CRADD: variants seen among roughly 807,000 people sequenced by gnomAD.
CRADD encodes CARD and death domain containing adaptor protein, also known as death domain-containing protein CRADD.
Under a neutral mutation model 15.5 loss-of-function variants are expected in CRADD, and 9 were observed. The observed-to-expected ratio is 0.58, with a 90% CI of 0.35 to 1.01. CRADD has a LOEUF of 1.01. CRADD is among the 50% of genes least tolerant of loss of function. The pLI is 0.02. For missense variants in CRADD, 227 were observed against 250.3 expected (o/e 0.91, Z 0.63); for synonymous variants, 118 against 107.6 (o/e 1.10, Z -0.60).
chr12:93,736,099 C>T (rs1274390905), intron 2 of CRADD, among the ~76,000 whole-genome samples: 1 of 152,104 alleles, frequency 6.6e-6, no homozygotes, highest in Admixed American at 6.5e-5. Flanking sequence ...CTAACAGCTC[C>T]TCAGAACATT....
chr12:93,878,275 G>A (rs1332697034), intron 2 of CRADD, among the ~76,000 whole-genome samples: 10 of 152,168 alleles, frequency 6.6e-5, no homozygotes, highest in Admixed American at 3.9e-4. Flanking sequence ...GTCTAGAAAT[G>A]TCATCTGGGA....
At chr12:93,721,918 T>G (rs1166876033) in intron 2 of CRADD, among the ~76,000 whole-genome samples, 1 of 152,246 alleles carries the variant, frequency 6.6e-6, no homozygotes, top group Non-Finnish European at 1.5e-5. Flanking sequence ...TACCTCCACT[T>G]ACTCCTTCTT....
At chr12:93,753,309 G>C (rs1173037342) in intron 2 of CRADD, among the ~76,000 whole-genome samples, 1 of 152,138 alleles carries the variant, frequency 6.6e-6, no homozygotes, top group African/African-American at 2.4e-5. Context: ...GAGGATTATA[G>C]GAGCTAAAAT....
intron 2 of CRADD, among the ~76,000 whole-genome samples, chr12:93,754,047 C>A (rs986637912): frequency 2.0e-5 from 3 of 152,246 alleles, no homozygotes; most frequent in African/African-American, 7.2e-5. Context: ...CCAGGCATTG[C>A]CATACATTCT....
chr12:93,678,893 A>G lies in CRADD; in HGVS notation c.119A>G (p.His40Arg), dbSNP rs749888596. ...LYQEGILTENHIQEINAQTTG... is the reference protein window; with the variant it reads ...LYQEGILTENRIQEINAQTTG... Reference sequence around the variant, plus strand: ...CAGGAAGGAATCTTGACGGAAAACCATATTCAAGAAATCAATGCTCAAACC... The same window carrying G: ...CAGGAAGGAATCTTGACGGAAAACCGTATTCAAGAAATCAATGCTCAAACC... Residue 40 changes from histidine to arginine, a missense_variant, in exon 2 of 3, where the codon CAT becomes CGT. Coordinates refer to ENST00000332896, the MANE Select transcript of CRADD (RefSeq NM_003805.5). 2 of 1,614,188 alleles carry G rather than the reference A, an allele frequency of 1.2e-6. No individual in the cohort carries two copies. The highest frequency in any genetic ancestry group is 8.5e-7 in the Non-Finnish European group (1 of 1,180,026).
chr12:93,803,096 A>T (rs1342918012), intron 2 of CRADD, among the ~76,000 whole-genome samples: 2 of 152,186 alleles, frequency 1.3e-5, no homozygotes, highest in Non-Finnish European at 2.9e-5. Flanking sequence ...ACTAGAGTAG[A>T]TCAGGATGAT....
intron 2 of CRADD, among the ~76,000 whole-genome samples, chr12:93,780,836 GTTC>G (rs1957200223): frequency 8.2e-6 from 1 of 121,920 alleles, no homozygotes; most frequent in South Asian, 3.2e-4. Context: ...TGCCTCCTAG[GTTC>G]AAGTGATTCT....
chr12:93,696,973 T>A (rs1214525152), intron 2 of CRADD, among the ~76,000 whole-genome samples: 1 of 152,212 alleles, frequency 6.6e-6, no homozygotes, highest in Non-Finnish European at 1.5e-5. Flanking sequence ...TGGGTGGTAG[T>A]GGGGGCCTGT....
At chr12:93,679,246 A>G (rs1955231793) in intron 2 of CRADD, among the ~76,000 whole-genome samples, 174 bp downstream of exon 2, 1 of 152,118 alleles carries the variant, frequency 6.6e-6, no homozygotes, top group Non-Finnish European at 1.5e-5. Flanking sequence ...GGTTCAAGCA[A>G]TTCACTTGCT....
chr12:93,822,071 T>C (rs1174040362), intron 2 of CRADD, among the ~76,000 whole-genome samples: 2 of 151,150 alleles, frequency 1.3e-5, no homozygotes, highest in African/African-American at 2.4e-5. Flanking sequence ...TGAGCCGAGA[T>C]TGCGCCACTG....
chr12:93,850,751 G>A lies in CRADD; in HGVS notation c.*480G>A. 1.0e-6 allele frequency: 1 copy of A among 983,080 alleles called. No homozygotes were observed. The highest frequency in any genetic ancestry group is 1.2e-6 in the Non-Finnish European group (1 of 828,274). 60.9% of individuals were successfully genotyped at this position (983,080 alleles called of 1,614,324 possible). On this transcript the variant is annotated 3_prime_UTR_variant, in exon 3 of 3. Transcript: ENST00000332896. This position sits in a 1 kb window ranked among gnomAD's most constrained non-coding sequence, Gnocchi z 4.0. ...ACTATATATAATGTGCCTCACTCAT[G>A]AGAAAGTACCGTGTTGGGTTTTTTT...
chr12:93,706,885 T>C (rs1221755545), intron 2 of CRADD, among the ~76,000 whole-genome samples: 1 of 152,200 alleles, frequency 6.6e-6, no homozygotes, highest in Non-Finnish European at 1.5e-5. Flanking sequence ...TCCATGTATT[T>C]AAGTAGTGTA....
chr12:93,705,921 G>A (rs1955940010), intron 2 of CRADD, among the ~76,000 whole-genome samples: 1 of 152,180 alleles, frequency 6.6e-6, no homozygotes, highest in African/African-American at 2.4e-5. Flanking sequence ...TTTTAAACAT[G>A]TATTATTCGG....
intron 2 of CRADD, chr12:93,738,536 G>GA (rs2136925032): frequency 1.4e-6 from 1 of 698,380 alleles, no homozygotes; most frequent in East Asian, 2.7e-5. Context: ...TCTCTTGGAA[G>GA]AAACAAACTC....
chr12:93,823,044 C>T lies in CRADD; in HGVS notation c.299-26926C>T, dbSNP rs370053798. 4.8e-4 allele frequency among the ~76,000 whole-genome samples: 73 copies of T among 152,266 alleles called. No individual in the cohort carries two copies. In the South Asian group the frequency reaches 0.014, roughly 29 times the overall value. Reference sequence around the variant, plus strand: ...GCACGGTGGCTCATGCCTGTAATCCCAGCACTTTGGGAGGCCAAGGCAGGA... The same window carrying T: ...GCACGGTGGCTCATGCCTGTAATCCTAGCACTTTGGGAGGCCAAGGCAGGA... On this transcript the variant is annotated intron_variant, in intron 2 of 2. Transcript: ENST00000332896.
intron 2 of CRADD, among the ~76,000 whole-genome samples, chr12:93,803,231 A>G (rs1232316694): frequency 2.6e-5 from 4 of 152,172 alleles, no homozygotes; most frequent in Non-Finnish European, 5.9e-5. Flanking sequence ...TGGAATATGA[A>G]TAGAGAAATG....
intron 2 of CRADD, among the ~76,000 whole-genome samples, chr12:93,691,095 A>T (rs1955555773): frequency 1.3e-5 from 2 of 152,132 alleles, no homozygotes; most frequent in Admixed American, 1.3e-4. Context: ...CTTTATTATT[A>T]ATTAGTTATG....
chr12:93,892,556 T>C (rs1958583789), intron 2 of CRADD, among the ~76,000 whole-genome samples: 1 of 151,912 alleles, frequency 6.6e-6, no homozygotes, highest in Non-Finnish European at 1.5e-5. Context: ...GGAGTGTCAC[T>C]CCCCTAATCT....
chr12:93,843,466 G>A lies in CRADD; in HGVS notation c.299-6504G>A, dbSNP rs7135365. On this transcript the variant is annotated intron_variant, in intron 2 of 2. Coordinates refer to ENST00000332896, the MANE Select transcript of CRADD (RefSeq NM_003805.5). ...CGTGATCTCGCTCACTGCAACCTCC[G>A]CCTCCCAGAGTCAAACAATTCTCCT... 4.0e-3 allele frequency among the ~76,000 whole-genome samples: 572 copies of A among 141,342 alleles called. 7 individuals are homozygous for A. Among genetic ancestry groups the A allele is most frequent in the African/African-American group, 0.014 (542 of 37,806 alleles). 92.7% of individuals were successfully genotyped at this position (141,342 alleles called of 152,430 possible).
Sources: gnomAD v4.1 joint callset for allele counts (sites outside exome capture counted in the v4.1 genomes callset) on GRCh38, gnomAD v4.1.1 for gene constraint, Gnocchi (gnomAD v3.1) non-coding constraint, MANE v1.5 for transcripts, NCBI Gene and HGNC (gene_info 2026-07-23, HGNC 2026-07-21) for gene names.